The following ZNF544 variants were observed in gnomAD, a reference collection of about 807,000 sequenced individuals.
ZNF544 encodes zinc finger protein AF020591.
In ZNF544, 10 loss-of-function variants were observed where a neutral mutation model predicts 13.5. That is an observed-to-expected ratio of 0.74 (90% CI 0.46 to 1.25). ZNF544 has a LOEUF of 1.25. ZNF544 is among the 50% of genes most tolerant of loss of function. The pLI, the probability that ZNF544 is intolerant of heterozygous loss-of-function variation, is 0.00. For synonymous variants in ZNF544, 323 were observed against 300.5 expected (o/e 1.07, Z -0.77); for missense variants, 896 against 845.6 (o/e 1.06, Z -0.74).
chr19:58,255,151 G>A (rs946747179), intron 6 of ZNF544, among the ~76,000 whole-genome samples: 9 of 151,016 alleles, frequency 6.0e-5, no homozygotes, highest in African/African-American at 2.2e-4. Context: ...GCCTCCCAAA[G>A]TGCTGGGATT....
chr19:58,267,976 G>A (rs4801576), downstream of ZNF544, among the ~76,000 whole-genome samples: 6,572 of 149,562 alleles, frequency 0.044, 215 homozygotes, highest in Admixed American at 0.091. Flanking sequence ...GCGAGACTGC[G>A]TTTCAAAAAA....
Position 58,246,776 on chromosome 19 carries a change from G to C in ZNF544, c.226G>C (p.Glu76Gln), listed in dbSNP as rs1329739243. The part of the protein sequence containing the change: ...LEQEEDLCRA[E>Q]QEAPRDWKAT... The stretch of plus-strand genomic sequence containing the variant: ...GCAAGAAGAGGACCTGTGCAGGGCA[G>C]AGCAGGAGGCCCCCCGAGGTAAGAG... The change falls in exon 6 of 7, where the codon GAG becomes CAG. Residue 76 changes from glutamate (E) to glutamine (Q), a missense_variant. Glu to Gln is a conservative substitution (Grantham distance 29). Transcript: ENST00000687789. 1.9e-6 allele frequency: 3 copies of C among 1,614,034 alleles called. No homozygotes were observed. The highest frequency in any genetic ancestry group is 3.3e-5 in the Admixed American group (2 of 60,016).
intron 3 of ZNF544, among the ~76,000 whole-genome samples, chr19:58,243,522 T>C (rs529455373): frequency 6.6e-6 from 1 of 151,870 alleles, no homozygotes; most frequent in Admixed American, 6.6e-5. Context: ...AGGGAGGGCA[T>C]CCCTGTACAA....
chr19:58,260,833 AT>A lies in ZNF544; in HGVS notation c.245-14del. 2 of 1,528,428 alleles carry A rather than the reference AT, an allele frequency of 1.3e-6. No homozygotes were observed. The highest frequency in any genetic ancestry group is 1.8e-6 in the Non-Finnish European group (2 of 1,137,800). The allele number at this position is 1,528,428 out of a possible 1,614,324, so 94.7% of individuals were successfully genotyped here. A position where few individuals can be genotyped will look rare whatever the true frequency, so the allele number is the denominator to read the frequency against. ...CTGATGCTTCTCCAGTAACTTAGGC[AT>A]TTTGGATTTCTTTCAGACTGGAAAG... On this transcript the variant is annotated splice_polypyrimidine_tract_variant and intron_variant, in intron 6 of 6. Transcript: ENST00000687789.
At chr19:58,229,233 G>C (rs1390208295) in intron 1 of ZNF544, 14 of 150,416 alleles carry the variant, frequency 9.3e-5, no homozygotes, top group Non-Finnish European at 5.9e-5. Flanking sequence ...GCAGAGCTGG[G>C]AGGGAACTTA....
intron 2 of ZNF544, chr19:58,229,828 G>A (rs114366478): frequency 0.054 from 8,250 of 152,358 alleles, 726 homozygotes; most frequent in African/African-American, 0.18. Context: ...TAATGAGGAA[G>A]GCATGGGGTT....
Position 58,258,691 on chromosome 19 carries a change from T to C in ZNF544, c.245-2160T>C, listed in dbSNP as rs569344514. On this transcript the variant is annotated intron_variant, in intron 6 of 6. Coordinates refer to ENST00000687789, the MANE Select transcript of ZNF544 (RefSeq NM_014480.4). Reference sequence around the variant, plus strand: ...GCCCAGGAGGGAAGAGAGCTTTTGATTGAGAGGAGGGAAACATCCTCTCAG... The same window carrying C: ...GCCCAGGAGGGAAGAGAGCTTTTGACTGAGAGGAGGGAAACATCCTCTCAG... 121 of 153,612 alleles carry C rather than the reference T, an allele frequency of 7.9e-4. 1 individual carries two copies. The highest frequency in any genetic ancestry group is 1.8e-4 in the South Asian group (1 of 5,494). 9.5% of individuals were successfully genotyped at this position (153,612 alleles called of 1,614,324 possible).
At chr19:58,273,701 A>AG (rs1325763642) in intron 5 of ZNF544, among the ~76,000 whole-genome samples, 1 of 151,882 alleles carries the variant, frequency 6.6e-6, no homozygotes, top group African/African-American at 2.4e-5. Context: ...AAAAAAAAAA[A>AG]AAAAGCCTAT....
chr19:58,261,181 A>C lies in ZNF544; in HGVS notation c.575A>C (p.Lys192Thr). ...TTCCCTAAGCCCAACTCACAAGTTA[A>C]AGAGTTGAAACAAAATTCAGCTTTC... ...TGFPKPNSQVKELKQNSAFIN... is the reference protein window; with the variant it reads ...TGFPKPNSQVTELKQNSAFIN... The change falls in exon 7 of 7, where the codon AAA becomes ACA. Residue 192 changes from lysine (K) to threonine (T), a missense_variant. Coordinates refer to ENST00000687789, the MANE Select transcript of ZNF544 (RefSeq NM_014480.4). 1 of 1,614,072 alleles carries C rather than the reference A, an allele frequency of 6.2e-7. No homozygotes were observed. The highest frequency in any genetic ancestry group is 8.5e-7 in the Non-Finnish European group (1 of 1,179,936).
In ZNF544 at chr19:58,241,499, CT is replaced by C. The variant is rs568335282; in HGVS notation, c.-59-2451del. The stretch of plus-strand genomic sequence containing the variant: ...AATTCTAATCATTCACATTCCATTT[CT>C]TTTTTTTTTTTTTTGAGGTGGAGTC... On this transcript the variant is annotated intron_variant, in intron 3 of 6. Coordinates refer to ENST00000687789, the MANE Select transcript of ZNF544 (RefSeq NM_014480.4). Among the ~76,000 whole-genome samples the C allele has an allele frequency of 6.1e-3, 841 of 138,826 alleles. 1 individual carries two copies. The highest frequency in any genetic ancestry group is 8.9e-3 in the African/African-American group (337 of 38,076). 91.1% of individuals were successfully genotyped at this position (138,826 alleles called of 152,430 possible).
intron 3 of ZNF544, among the ~76,000 whole-genome samples, chr19:58,239,411 C>T (rs1334644908): frequency 6.6e-6 from 1 of 152,204 alleles, no homozygotes; most frequent in East Asian, 1.9e-4. Context: ...GCAAAACTGC[C>T]CCCAGTTGAG....
intron 3 of ZNF544, chr19:58,242,336 A>G: frequency 1.1e-6 from 1 of 949,226 alleles, no homozygotes. Context: ...AATACAGCAC[A>G]GAGAAAGCAA....
Position 58,260,626 on chromosome 19 carries a change from G to A in ZNF544, c.245-225G>A, listed in dbSNP as rs112327938. 3.7e-3 allele frequency: 1,761 copies of A among 476,004 alleles called. 31 individuals carry two copies. Among genetic ancestry groups the A allele is most frequent in the African/African-American group, 0.031 (1,575 of 50,412 alleles). The allele number at this position is 476,004 out of a possible 1,614,324, so 29.5% of individuals were successfully genotyped here. A position where few individuals can be genotyped will look rare whatever the true frequency, so the allele number is the denominator to read the frequency against. On this transcript the variant is annotated intron_variant, in intron 6 of 6. Coordinates refer to ENST00000687789, the MANE Select transcript of ZNF544 (RefSeq NM_014480.4). The stretch of plus-strand genomic sequence containing the variant: ...TTCTGCCCTCTATTTGGGGACTAGT[G>A]TTACTTAGTCACTTCTTTATTATGT...
rs146237634 is a variant in ZNF544, at chr19:58,254,792, T to C, written c.245-6059T>C. ...CATTGCAGAGTTAATAGTACCAAGGTTGGTGGGGTATTCTCTGTGAAGGAA... is the reference window on the plus strand; with the variant it reads ...CATTGCAGAGTTAATAGTACCAAGGCTGGTGGGGTATTCTCTGTGAAGGAA... On this transcript the variant is annotated intron_variant, in intron 6 of 6. Transcript: ENST00000687789. Among the ~76,000 whole-genome samples the C allele has an allele frequency of 4.9e-4, 74 of 152,116 alleles. No homozygotes were observed. In the Middle Eastern group the frequency reaches 0.01, roughly 21 times the overall value.
chr19:58,276,876 C>T (rs1049782264), intron 6 of ZNF544, among the ~76,000 whole-genome samples: 1 of 152,194 alleles, frequency 6.6e-6, no homozygotes, highest in Non-Finnish European at 1.5e-5. Context: ...TGAGAGCTCC[C>T]ACGGGGCAAA....
At chr19:58,231,850 G>GTT (rs911603588) in intron 3 of ZNF544, 1 of 151,834 alleles carries the variant, frequency 6.6e-6, no homozygotes, top group Non-Finnish European at 1.5e-5. Flanking sequence ...GTTTTGTTTT[G>GTT]TTTTTTTCTT....
At chr19:58,257,427 A>T (rs557324732) in intron 6 of ZNF544, 4 of 152,354 alleles carry the variant, frequency 2.6e-5, no homozygotes, top group Admixed American at 2.6e-4. Context: ...CACCCTATGA[A>T]ATAGTGGCCC....
chr19:58,231,505 G>A (rs1352432948), intron 3 of ZNF544, among the ~76,000 whole-genome samples: 1 of 152,170 alleles, frequency 6.6e-6, no homozygotes, highest in South Asian at 2.1e-4. Context: ...AGGAAGGCCT[G>A]GGGCATTTGC....
rs2049432534 is a variant in ZNF544 at position 58,263,584 on chromosome 19, C to T, written c.*830C>T. The T allele has an allele frequency of 1.0e-6, 1 of 985,070 alleles. No homozygotes were observed. The highest frequency in any genetic ancestry group is 4.7e-5 in the South Asian group (1 of 21,288). 61.0% of individuals were successfully genotyped at this position (985,070 alleles called of 1,614,324 possible). On this transcript the variant is annotated 3_prime_UTR_variant, in exon 7 of 7. Transcript: ENST00000687789. ...GCATCAGAATTGCCTGGAGTGTGCA[C>T]TGAAACTGTGTATTACCAAGCTCAC...
Sources: allele counts gnomAD v4.1 joint callset (sites outside exome capture counted in the v4.1 genomes callset), GRCh38; gene constraint gnomAD v4.1.1; transcripts MANE v1.5; gene names NCBI Gene and HGNC (gene_info 2026-07-23, HGNC 2026-07-21).